The following LRRC8A variants were observed in gnomAD, a reference collection of about 807,000 sequenced individuals.
LRRC8A encodes leucine rich repeat containing 8 VRAC subunit A.
A neutral mutation model predicts 52.5 loss-of-function variants in LRRC8A; 24 were observed. The ratio of observed to expected loss-of-function variants is 0.46; its 90% CI spans 0.33 to 0.64. The LOEUF (loss-of-function observed/expected upper bound fraction) is 0.64, where lower values mean the gene tolerates loss of function less well. LRRC8A is among the 30% of genes least tolerant of loss of function. The probability of loss-of-function intolerance (pLI) is 0.02; values close to 1 mark genes in which losing one functional copy is unlikely to be tolerated. For missense variants in LRRC8A, 677 were observed against 1,094.7 expected, an observed-to-expected ratio of 0.62 and a Z score of 5.38; for synonymous variants, 492 against 494.2, an observed-to-expected ratio of 1.00 and a Z score of 0.06.
rs1026107991 is a variant in LRRC8A, at chr9:128,911,340, T to A, written c.2157+2019T>A. Among the ~76,000 whole-genome samples, 1 of 152,196 alleles carries A rather than the reference T, an allele frequency of 6.6e-6. No individual in the cohort carries two copies. Among genetic ancestry groups the A allele is most frequent in the Non-Finnish European group, 1.5e-5 (1 of 68,018 alleles). On this transcript the variant is annotated intron_variant, in intron 3 of 3. Coordinates refer to ENST00000372600, the MANE Select transcript of LRRC8A (RefSeq NM_019594.4). The surrounding 1 kb of genome is among the most constrained non-coding windows in gnomAD (Gnocchi z 4.9). ...TCTCCGGCCACCCCATATTATGACT[T>A]GAGCACAGTGGGAGAGTGGACCAGG...
chr9:128,913,149 G>A lies in LRRC8A; in HGVS notation c.2158-2947G>A, dbSNP rs149753835. On this transcript the variant is annotated intron_variant, in intron 3 of 3. Coordinates refer to ENST00000372600, the MANE Select transcript of LRRC8A (RefSeq NM_019594.4). Reference sequence around the variant, plus strand: ...CAGAAGAGGAGGGCGAGGCCAGAGCGTGGGGCACATGGGGCCTGGGGAGTT... The same window carrying A: ...CAGAAGAGGAGGGCGAGGCCAGAGCATGGGGCACATGGGGCCTGGGGAGTT... Among the ~76,000 whole-genome samples, 911 of 152,296 alleles carry A rather than the reference G, an allele frequency of 6.0e-3. 11 individuals are homozygous for A. Among genetic ancestry groups the A allele is most frequent in the African/African-American group, 0.02 (827 of 41,546 alleles).
At chr9:128,884,569 C>T (rs1839315026) in intron 1 of LRRC8A, among the ~76,000 whole-genome samples, 1 of 152,110 alleles carries the variant, frequency 6.6e-6, no homozygotes. Flanking sequence ...AGAAATATTA[C>T]AGAGGCAGCC....
intron 2 of LRRC8A, among the ~76,000 whole-genome samples, chr9:128,900,373 C>T (rs1323724608): frequency 1.3e-5 from 2 of 152,196 alleles, no homozygotes; most frequent in African/African-American, 4.8e-5. Context: ...AAGATTATAC[C>T]AGCCTGGGCT....
chr9:128,893,707 T>C (rs533906628), intron 2 of LRRC8A, among the ~76,000 whole-genome samples: 3 of 152,254 alleles, frequency 2.0e-5, no homozygotes, highest in East Asian at 3.9e-4. Flanking sequence ...GGAAGGTCTT[T>C]TGATTTATTT....
intron 2 of LRRC8A, among the ~76,000 whole-genome samples, chr9:128,900,171 C>T (rs897945421): frequency 1.3e-5 from 2 of 152,186 alleles, no homozygotes; most frequent in Non-Finnish European, 2.9e-5. Context: ...CTACCCCAGC[C>T]CCAACCCACA....
intron 2 of LRRC8A, among the ~76,000 whole-genome samples, chr9:128,891,293 G>A (rs1193124831): frequency 6.6e-6 from 1 of 151,618 alleles, no homozygotes; most frequent in African/African-American, 2.4e-5. Context: ...AGCCAGGTGT[G>A]GTGGCATGTG....
Position 128,907,722 on chromosome 9 carries a change from C to T in LRRC8A, c.558C>T (p.Ala186=), listed in dbSNP as rs758131740. Residue 186 remains alanine, a synonymous_variant, in exon 3 of 4, where the codon GCC becomes GCT. Coordinates refer to ENST00000372600, the MANE Select transcript of LRRC8A (RefSeq NM_019594.4). This position sits in a 1 kb window ranked among gnomAD's most constrained non-coding sequence, Gnocchi z 9.3. ...TVVEESDPKP[A]FSKMNGSMDK... ...TGGAGGAGAGCGACCCCAAGCCGGC[C>T]TTCAGCAAGATGAATGGGTCCATGG... 1.8e-5 allele frequency: 29 copies of T among 1,613,464 alleles called. No individual in the cohort carries two copies. The highest frequency in any genetic ancestry group is 2.4e-5 in the Non-Finnish European group (28 of 1,179,814).
chr9:128,914,161 C>T (rs949416626), intron 3 of LRRC8A, among the ~76,000 whole-genome samples: 10 of 152,074 alleles, frequency 6.6e-5, no homozygotes, highest in South Asian at 6.2e-4. Context: ...GCCAAGATTG[C>T]GCCACTGCAC....
intron 1 of LRRC8A, among the ~76,000 whole-genome samples, chr9:128,883,701 G>A (rs1423629967): frequency 6.6e-6 from 1 of 152,184 alleles, no homozygotes; most frequent in Admixed American, 6.5e-5. Context: ...AGGGCCGGGC[G>A]TGGTGGCTCA....
At chr9:128,906,528 G>A (rs1057116540) in intron 2 of LRRC8A, among the ~76,000 whole-genome samples, 14 of 151,956 alleles carry the variant, frequency 9.2e-5, no homozygotes, top group African/African-American at 3.4e-4. Context: ...TCACCATGTT[G>A]GCCAGGCTGG....
intron 2 of LRRC8A, among the ~76,000 whole-genome samples, chr9:128,906,186 C>G (rs964252583): frequency 6.6e-6 from 1 of 152,046 alleles, no homozygotes; most frequent in Non-Finnish European, 1.5e-5. Context: ...TGGAGTACAG[C>G]GACGGGGTCA....
At chr9:128,904,834 A>T (rs1421933048) in intron 2 of LRRC8A, among the ~76,000 whole-genome samples, 2 of 151,924 alleles carry the variant, frequency 1.3e-5, no homozygotes, top group African/African-American at 2.4e-5. Flanking sequence ...CTCTACTAAA[A>T]ATACAAAAAA....
chr9:128,914,261 C>G (rs1313438570), intron 3 of LRRC8A, among the ~76,000 whole-genome samples: 1 of 148,386 alleles, frequency 6.7e-6, no homozygotes, highest in Non-Finnish European at 1.5e-5. Context: ...CCATGCTTAT[C>G]TCCCTGCTGG....
chr9:128,915,937 A>G (rs1451110598), intron 3 of LRRC8A, among the ~76,000 whole-genome samples, 159 bp from the exon 4 acceptor site: 1 of 152,196 alleles, frequency 6.6e-6, no homozygotes, highest in Non-Finnish European at 1.5e-5. Context: ...CCTGGTGCAC[A>G]GGCAGATGTT....
chr9:128,908,505 G>A lies in LRRC8A; in HGVS notation c.1341G>A (p.Glu447=). ...CTGACACTGTGTTTGACCTGGTGGA[G>A]CTGGAGGTCCTCAAGCTGGAGCTGA... ...GIPDTVFDLV[E]LEVLKLELIP... The change falls in exon 3 of 4, where the codon GAG becomes GAA. Residue 447 remains glutamate, a synonymous_variant. Transcript: ENST00000372600. The A allele has an allele frequency of 6.2e-7, 1 of 1,612,986 alleles. No homozygotes were observed.
chr9:128,904,857 T>G (rs568433035), intron 2 of LRRC8A, among the ~76,000 whole-genome samples: 3 of 148,102 alleles, frequency 2.0e-5, no homozygotes, highest in Non-Finnish European at 1.5e-5. Flanking sequence ...ATTAGCCGGG[T>G]GTGGTGGGCG....
At chr9:128,893,962 T>C (rs1263302417) in intron 2 of LRRC8A, among the ~76,000 whole-genome samples, 1 of 151,998 alleles carries the variant, frequency 6.6e-6, no homozygotes, top group Non-Finnish European at 1.5e-5. Context: ...CACTGCAACC[T>C]GCGCCTCCCG....
At chr9:128,915,689 C>T (rs532225692) in intron 3 of LRRC8A, among the ~76,000 whole-genome samples, 335 of 152,292 alleles carry the variant, frequency 2.2e-3, no homozygotes, top group African/African-American at 7.9e-3. Context: ...TGGGCAGAAC[C>T]AACAGCCTGG....
At chr9:128,895,980 G>C (rs1839808315) in intron 2 of LRRC8A, among the ~76,000 whole-genome samples, 1 of 152,212 alleles carries the variant, frequency 6.6e-6, no homozygotes, top group South Asian at 2.1e-4. Flanking sequence ...AATTGTTTCA[G>C]ATACACACAT....
Sources: allele counts gnomAD v4.1 joint callset (sites outside exome capture counted in the v4.1 genomes callset), GRCh38; gene constraint gnomAD v4.1.1; non-coding constraint Gnocchi (gnomAD v3.1); transcripts MANE v1.5; gene names NCBI Gene and HGNC (gene_info 2026-07-23, HGNC 2026-07-21).